Variants in AGBL4 observed in about 807,000 individuals in gnomAD.
AGBL4 encodes the protein AGBL carboxypeptidase 4, also known as cytosolic carboxypeptidase 6.
A neutral mutation model predicts 66.4 loss-of-function variants in AGBL4; 58 were observed. The ratio of observed to expected loss-of-function variants is 0.87; its 90% CI spans 0.71 to 1.09. AGBL4 has a LOEUF of 1.09. Among genes scored for constraint, AGBL4 ranks in the 50% least tolerant of loss-of-function variants. The probability of loss-of-function intolerance (pLI) is 0.00; values close to 1 mark genes in which losing one functional copy is unlikely to be tolerated. For synonymous variants in AGBL4, 234 were observed against 222.9 expected, an observed-to-expected ratio of 1.05 and a Z score of -0.44; for missense variants, 579 against 631.0, an observed-to-expected ratio of 0.92 and a Z score of 0.88.
At chr1:48,664,966 C>T (rs1031365463) in intron 6 of AGBL4, among the ~76,000 whole-genome samples, 1 of 152,202 alleles carries the variant, frequency 6.6e-6, no homozygotes, top group Non-Finnish European at 1.5e-5. Flanking sequence ...AGGATTTCTC[C>T]TTCTGAAATG....
At chr1:48,967,739 T>C (rs1341660898) in intron 5 of AGBL4, among the ~76,000 whole-genome samples, 1 of 152,078 alleles carries the variant, frequency 6.6e-6, no homozygotes, top group Non-Finnish European at 1.5e-5. Context: ...TGATGTACAA[T>C]GGTGAAACAG....
At chr1:49,363,523 G>A (rs1022024703) in intron 3 of AGBL4, among the ~76,000 whole-genome samples, 1 of 152,198 alleles carries the variant, frequency 6.6e-6, no homozygotes, top group Non-Finnish European at 1.5e-5. Flanking sequence ...TAATGAACAT[G>A]TCAGATGCTG....
intron 3 of AGBL4, among the ~76,000 whole-genome samples, chr1:49,560,893 A>AT (rs1290738520): frequency 1.3e-4 from 20 of 152,064 alleles, no homozygotes; most frequent in Admixed American, 1.0e-3. Context: ...GGGAATAAAG[A>AT]TTTTCCCAGA....
At chr1:49,580,366 T>C (rs535266210) in intron 3 of AGBL4, among the ~76,000 whole-genome samples, 23 of 152,318 alleles carry the variant, frequency 1.5e-4, no homozygotes, top group Admixed American at 1.4e-3. Flanking sequence ...GTTAATAGTT[T>C]ACTAGTAGTT....
At position 48,998,293 on chromosome 1, in the gene AGBL4, A is replaced by G. The variant is rs1661162456; in HGVS notation, c.594+47291T>C. ...ATGCTCTGTGCTCTCTACTACATTC[A>G]TTTTTTGAAACATGCCACAAAAAGA... On this transcript the variant is annotated intron_variant, in intron 5 of 13. Coordinates refer to ENST00000371839, the MANE Select transcript of AGBL4 (RefSeq NM_032785.4). 2.0e-5 allele frequency among the ~76,000 whole-genome samples: 3 copies of G among 152,166 alleles called. No homozygotes were observed. The South Asian group carries it at 6.2e-4, about 31-fold the overall frequency.
intron 4 of AGBL4, among the ~76,000 whole-genome samples, chr1:49,157,753 T>A (rs1243351576): frequency 6.6e-6 from 1 of 152,134 alleles, no homozygotes. Context: ...TTGTTTCCTG[T>A]CTTTTAATGA....
At chr1:49,070,026 C>T (rs1341951179) in intron 4 of AGBL4, among the ~76,000 whole-genome samples, 2 of 151,798 alleles carry the variant, frequency 1.3e-5, no homozygotes. Context: ...TGATTTGGCT[C>T]TCTGTTTGTC....
At chr1:49,331,215 C>A (rs887319818) in intron 3 of AGBL4, among the ~76,000 whole-genome samples, 6 of 152,102 alleles carry the variant, frequency 3.9e-5, no homozygotes, top group Non-Finnish European at 8.8e-5. Context: ...GTAACTGCAA[C>A]TCAGGCAAGG....
chr1:49,765,766 G>T (rs796960231), intron 2 of AGBL4, among the ~76,000 whole-genome samples: 1 of 152,024 alleles, frequency 6.6e-6, no homozygotes, highest in African/African-American at 2.4e-5. Context: ...AATGGAAATT[G>T]AAAAACTCAC....
At chr1:48,589,157 G>A (rs1239379684) in intron 10 of AGBL4, among the ~76,000 whole-genome samples, 1 of 152,152 alleles carries the variant, frequency 6.6e-6, no homozygotes, top group African/African-American at 2.4e-5. Flanking sequence ...CTGCCCCACA[G>A]CTGCAAATGG....
intron 6 of AGBL4, among the ~76,000 whole-genome samples, chr1:48,678,016 C>T (rs972708816): frequency 5.9e-5 from 9 of 152,172 alleles, no homozygotes; most frequent in African/African-American, 1.7e-4. Context: ...CCTGACACTA[C>T]GAACACGTCA....
chr1:49,741,069 T>C (rs1235032571), intron 2 of AGBL4, among the ~76,000 whole-genome samples: 6 of 131,904 alleles, frequency 4.5e-5, no homozygotes, highest in Non-Finnish European at 9.0e-5. Context: ...CTGAAGTAGA[T>C]AGAGACATAA....
At chr1:49,490,476 T>G (rs2148742371) in intron 3 of AGBL4, among the ~76,000 whole-genome samples, 1 of 151,892 alleles carries the variant, frequency 6.6e-6, no homozygotes, top group Admixed American at 6.6e-5. Flanking sequence ...TCATAAAATT[T>G]CTTTCTATAA....
intron 1 of AGBL4, among the ~76,000 whole-genome samples, chr1:49,929,850 C>A (rs180789982): frequency 6.6e-6 from 1 of 151,898 alleles, no homozygotes; most frequent in Non-Finnish European, 1.5e-5. Context: ...AAAGGTCAGA[C>A]GGATAAAAAT....
At chr1:49,147,833 A>AG (rs201046957) in intron 4 of AGBL4, among the ~76,000 whole-genome samples, 18 of 151,600 alleles carry the variant, frequency 1.2e-4, no homozygotes, top group Admixed American at 7.2e-4. Flanking sequence ...AGGGAAGGAG[A>AG]GGGGGGGTGA....
chr1:48,891,039 A>G (rs1310475518), intron 5 of AGBL4, among the ~76,000 whole-genome samples: 1 of 152,212 alleles, frequency 6.6e-6, no homozygotes, highest in African/African-American at 2.4e-5. Context: ...CAATTTACTG[A>G]TCAGTCCAGT....
chr1:49,259,795 C>T (rs1321082391), intron 3 of AGBL4, among the ~76,000 whole-genome samples: 1 of 117,430 alleles, frequency 8.5e-6, no homozygotes. Flanking sequence ...CTCAGCTCTG[C>T]ACCAAGCGGA....
chr1:49,602,488 T>C (rs1331866083), intron 3 of AGBL4, among the ~76,000 whole-genome samples: 1 of 152,136 alleles, frequency 6.6e-6, no homozygotes, highest in Non-Finnish European at 1.5e-5. Context: ...GTGGCACATA[T>C]ATACCATGGA....
At chr1:48,577,528 G>A (rs750934981) in intron 11 of AGBL4, among the ~76,000 whole-genome samples, 2 of 152,152 alleles carry the variant, frequency 1.3e-5, no homozygotes, top group Non-Finnish European at 2.9e-5. Flanking sequence ...AAAACCCTTA[G>A]AAACCTCATT....
Sources: gnomAD v4.1 joint callset for allele counts (sites outside exome capture counted in the v4.1 genomes callset) on GRCh38, gnomAD v4.1.1 for gene constraint, MANE v1.5 for transcripts, NCBI Gene and HGNC (gene_info 2026-07-23, HGNC 2026-07-21) for gene names.